GRIN1: variants seen among roughly 807,000 people sequenced by gnomAD.
GRIN1 encodes the protein glutamate ionotropic receptor NMDA type subunit 1, also known as glutamate receptor ionotropic, NMDA 1.
GRIN1 carries 38 observed loss-of-function variants against 103.0 expected under a neutral mutation model. The ratio of observed to expected loss-of-function variants is 0.37; its 90% CI spans 0.28 to 0.48. GRIN1 has a LOEUF of 0.48. Ranked by LOEUF, GRIN1 falls within the 20% of genes least tolerant of loss-of-function variation. The pLI is 0.98. For synonymous variants in GRIN1, 544 were observed against 532.7 expected, an observed-to-expected ratio of 1.02 and a Z score of -0.29; for missense variants, 577 against 1,288.9, an observed-to-expected ratio of 0.45 and a Z score of 8.46.
intron 15 of GRIN1, 23 bp from the exon 16 acceptor site, chr9:137,163,146 C>G (rs776768369): frequency 3.7e-6 from 6 of 1,611,124 alleles, no homozygotes; most frequent in South Asian, 1.1e-5. Context: ...CCAAGGCCCC[C>G]GTGACTCCGC....
intron 16 of GRIN1, 114 bp downstream of exon 16, chr9:137,163,444 C>T: frequency 6.9e-7 from 1 of 1,441,830 alleles, no homozygotes; most frequent in South Asian, 1.1e-5. Context: ...AGGCCGGGCG[C>T]TGCCCACTCC....
chr9:137,161,046 T>TC lies in GRIN1; in HGVS notation c.1198-3dup, dbSNP rs762423431. 3.7e-6 allele frequency: 6 copies of TC among 1,611,908 alleles called. No individual in the cohort carries two copies. Among genetic ancestry groups the TC allele is most frequent in the African/African-American group, 1.3e-5 (1 of 74,732 alleles). On this transcript the variant is annotated splice_polypyrimidine_tract_variant and intron_variant, in intron 8 of 19. Transcript: ENST00000371561. ...CGGTGGTCCAGGCTGGGTCTCCCCT[T>TC]CCCCCCCAGATTGTGACGATCCACC...
chr9:137,142,089 G>T lies in GRIN1; in HGVS notation c.335G>T (p.Gly112Val). ...CCCACCCCTGTCTCCTACACAGCCG[G>T]CTTCTACCGCATACCCGTGCTGGGG... ...FTPTPVSYTA[G>V]FYRIPVLGLT... is the part of the protein sequence containing the mutation. The change falls in exon 2 of 20, where the codon GGC (glycine) becomes GTC (valine). Residue 112 changes from glycine (G) to valine (V), a missense_variant. Coordinates refer to ENST00000371561, the MANE Select transcript of GRIN1 (RefSeq NM_007327.4). 1.2e-6 allele frequency: 2 copies of T among 1,614,166 alleles called. No homozygotes were observed. The highest frequency in any genetic ancestry group is 1.7e-6 in the Non-Finnish European group (2 of 1,180,016).
At chr9:137,151,183 ACCCGCCCAGAAAAAAGT>A (rs1171433599) in intron 4 of GRIN1, among the ~76,000 whole-genome samples, 5 of 111,324 alleles carry the variant, frequency 4.5e-5, no homozygotes, top group Admixed American at 8.7e-5. Flanking sequence ...CCAGGGAAAG[ACCCGCCCAGAAAAAAGT>A]CCCGCCCAGA....
chr9:137,145,539 G>C lies in GRIN1; in HGVS notation c.394-187G>C, dbSNP rs13300350. Among the ~76,000 whole-genome samples, 29 of 15,792 alleles carry C rather than the reference G, an allele frequency of 1.8e-3. 2 individuals are homozygous for C. The highest frequency in any genetic ancestry group is 7.1e-3 in the South Asian group (4 of 562). The allele number at this position is 15,792 out of a possible 152,430, so 10.4% of individuals were successfully genotyped here. The stretch of plus-strand genomic sequence containing the variant: ...CCCAGGGTCTAGAAAGTGTCCCCAG[G>C]GTGGTAGGGACGGGGTGGGAGACAC... On this transcript the variant is annotated intron_variant, in intron 2 of 19. Coordinates refer to ENST00000371561, the MANE Select transcript of GRIN1 (RefSeq NM_007327.4).
chr9:137,149,169 C>T (rs1832705623), intron 4 of GRIN1, 60 bp downstream of exon 4: 1 of 1,122,976 alleles, frequency 8.9e-7, no homozygotes. Flanking sequence ...CAAGTACCCG[C>T]CATCTGAGCC....
intron 18 of GRIN1, chr9:137,164,481 C>T (rs911309417): frequency 2.3e-5 from 4 of 175,540 alleles, no homozygotes; most frequent in Admixed American, 5.5e-5. Context: ...GCTCGTGGCC[C>T]GCGGTCGAGT....
intron 2 of GRIN1, among the ~76,000 whole-genome samples, chr9:137,143,172 C>T (rs1832269582): frequency 6.6e-6 from 1 of 152,254 alleles, no homozygotes; most frequent in Admixed American, 6.5e-5. Context: ...TCTGGGTCCC[C>T]CACCTTCTCC....
At chr9:137,159,702 A>G (rs1833428255) in intron 8 of GRIN1, among the ~76,000 whole-genome samples, 1 of 152,256 alleles carries the variant, frequency 6.6e-6, no homozygotes, top group South Asian at 2.1e-4. Flanking sequence ...ACTAGCATAT[A>G]TATTACCTGT....
intron 2 of GRIN1, among the ~76,000 whole-genome samples, chr9:137,144,968 G>A (rs1186956379): frequency 1.5e-5 from 1 of 67,744 alleles, no homozygotes; most frequent in Non-Finnish European, 3.2e-5. Flanking sequence ...CAGAGGGGTG[G>A]GGACAGGAGT....
chr9:137,144,175 G>A lies in GRIN1; in HGVS notation c.394-1551G>A, dbSNP rs116630869. Among the ~76,000 whole-genome samples the A allele has an allele frequency of 4.3e-3, 651 of 152,284 alleles. 4 individuals carry two copies. The highest frequency in any genetic ancestry group is 0.015 in the African/African-American group (625 of 41,552). ...CAGGGGAAGAGGTGAGCTCACCCCAGGCACAATTCCACAGAAACCCACGTC... is the reference window on the plus strand; with the variant it reads ...CAGGGGAAGAGGTGAGCTCACCCCAAGCACAATTCCACAGAAACCCACGTC... On this transcript the variant is annotated intron_variant, in intron 2 of 19. Transcript: ENST00000371561.
Position 137,142,016 on chromosome 9 carries a change from T to C in GRIN1, c.262T>C (p.Tyr88His). Residue 88 changes from tyrosine (Y) to histidine (H), a missense_variant, in exon 2 of 20, where the codon TAC becomes CAC. Transcript: ENST00000371561. ...ATCATGTCTCCTGTGTCCACAGGTCTACGCCATCCTAGTTAGCCATCCACC... is the reference window on the plus strand; with the variant it reads ...ATCATGTCTCCTGTGTCCACAGGTCCACGCCATCCTAGTTAGCCATCCACC... ...VCEDLISSQV[Y>H]AILVSHPPTP... 2 of 1,614,186 alleles carry C rather than the reference T, an allele frequency of 1.2e-6. No individual in the cohort carries two copies. The highest frequency in any genetic ancestry group is 1.7e-6 in the Non-Finnish European group (2 of 1,180,002).
chr9:137,150,613 GCCCGCCCAGGGAAAGC>G (rs1832799288), intron 4 of GRIN1, among the ~76,000 whole-genome samples: 1 of 118,610 alleles, frequency 8.4e-6, no homozygotes, highest in South Asian at 3.0e-4. Flanking sequence ...CCAGATAAAA[GCCCGCCCAGGGAAAGC>G]CCCGCCCAGA....
In GRIN1 at chr9:137,158,420, G is replaced by A. The variant is rs747443853; in HGVS notation, c.1010G>A (p.Arg337His). 1.2e-5 allele frequency: 19 copies of A among 1,613,428 alleles called. No homozygotes were observed. The highest frequency in any genetic ancestry group is 3.3e-5 in the Admixed American group (2 of 60,006). The part of the protein sequence containing the change: ...SSKYADGVTG[R>H]VEFNEDGDRK... ...AAGTATGCGGATGGGGTGACTGGTC[G>A]CGTGGAGTTCAATGAGGATGGGGAC... Residue 337 changes from arginine (R) to histidine (H), a missense_variant, in exon 7 of 20, where the codon CGC (arginine) becomes CAC (histidine). Arg to His is a conservative substitution (Grantham distance 29). Transcript: ENST00000371561.
chr9:137,149,573 G>C (rs1003341533), intron 4 of GRIN1, among the ~76,000 whole-genome samples: 1 of 152,246 alleles, frequency 6.6e-6, no homozygotes, highest in Admixed American at 6.5e-5. Flanking sequence ...CAGTAGCTTA[G>C]GGGGAAATCA....
At chr9:137,166,271 C>T (rs1163925182) in intron 19 of GRIN1, among the ~76,000 whole-genome samples, 1 of 152,218 alleles carries the variant, frequency 6.6e-6, no homozygotes, top group Non-Finnish European at 1.5e-5. Context: ...GGCAGCTTGT[C>T]CCTGTAGCGG....
Position 137,164,903 on chromosome 9 carries a change from G to A in GRIN1, c.2590-283G>A, listed in dbSNP as rs1439941985. The A allele has an allele frequency of 8.7e-6, 4 of 459,580 alleles. No individual in the cohort carries two copies. In the East Asian group the frequency reaches 1.7e-4, roughly 20 times the overall value. The allele number at this position is 459,580 out of a possible 1,614,324, so 28.5% of individuals were successfully genotyped here. A position where few individuals can be genotyped will look rare whatever the true frequency, so the allele number is the denominator to read the frequency against. Reference sequence around the variant, plus strand: ...TCCTCCTCGGGACGCCTGTAAGCCAGGGCCACCCAGGAGCCAGGGAGCCAG... The same window carrying A: ...TCCTCCTCGGGACGCCTGTAAGCCAAGGCCACCCAGGAGCCAGGGAGCCAG... On this transcript the variant is annotated intron_variant, in intron 18 of 19. Transcript: ENST00000371561.
At chr9:137,165,055 A>T (rs1280884743) in intron 18 of GRIN1, 131 bp from the exon 19 acceptor site, 22 of 777,358 alleles carry the variant, frequency 2.8e-5, no homozygotes, top group Non-Finnish European at 9.4e-6. Flanking sequence ...CCGTCTGTCC[A>T]GCACAGGGAG....
rs1365275935 is a variant in GRIN1, at chr9:137,161,291, C to A, written c.1342C>A (p.Arg448Ser). ...AGTTACCGCCCGCACCTACCCAGCC[C>A]GCCACACGGTGCCTCAGTGTTGCTA... ...GPNDTSPGSP[R>S]HTVPQCCYGF... The change falls in exon 10 of 20, where the codon CGC becomes AGC. Residue 448 changes from arginine (R) to serine (S), a missense_variant and splice_region_variant. By Grantham distance (110) the Arg-to-Ser change is moderately radical (BLOSUM62 -1). This residue lies in a region of GRIN1 where 96 missense variants were observed against 145.0 expected (regional missense o/e 0.66). Coordinates refer to ENST00000371561, the MANE Select transcript of GRIN1 (RefSeq NM_007327.4). The A allele has an allele frequency of 1.2e-6, 2 of 1,612,242 alleles. No homozygotes were observed. Among genetic ancestry groups the A allele is most frequent in the Non-Finnish European group, 1.7e-6 (2 of 1,179,644 alleles).
Sources: allele counts gnomAD v4.1 joint callset (sites outside exome capture counted in the v4.1 genomes callset), GRCh38; gene constraint gnomAD v4.1.1; regional missense constraint gnomAD v4.1.1; transcripts MANE v1.5; gene names NCBI Gene and HGNC (gene_info 2026-07-23, HGNC 2026-07-21).